Variants in PCDHAC1 observed in about 807,000 individuals in gnomAD.
PCDHAC1 encodes the protein protocadherin alpha-C1.
A neutral mutation model predicts 60.0 loss-of-function variants in PCDHAC1; 42 were observed. That is an observed-to-expected ratio of 0.70 (90% CI 0.55 to 0.90). The LOEUF (loss-of-function observed/expected upper bound fraction) is 0.90, where lower values mean the gene tolerates loss of function less well. Ranked by LOEUF, PCDHAC1 falls within the 40% of genes least tolerant of loss-of-function variation. The pLI is 0.00. For missense variants in PCDHAC1, 1,160 were observed against 1,222.3 expected (o/e 0.95, Z 0.76); for synonymous variants, 468 against 499.3 (o/e 0.94, Z 0.84).
intron 1 of PCDHAC1, among the ~76,000 whole-genome samples, chr5:140,942,781 A>G (rs1554215214): frequency 6.6e-6 from 1 of 152,214 alleles, no homozygotes; most frequent in Admixed American, 6.5e-5. Context: ...TTTAGGCAGA[A>G]TATTACAAAG....
In PCDHAC1 at chr5:140,927,316, C is replaced by A; in HGVS notation, c.424C>A (p.Arg142Ser). 6.2e-7 allele frequency: 1 copy of A among 1,614,198 alleles called. No homozygotes were observed. The highest frequency in any genetic ancestry group is 8.5e-7 in the Non-Finnish European group (1 of 1,180,052). The change falls in exon 1 of 4, where the codon CGC (arginine) becomes AGC (serine). Residue 142 changes from arginine to serine, a missense_variant. Physicochemically the swap from Arg to Ser is moderately radical, Grantham distance 110 (BLOSUM62 -1). Around this residue, in one of 3 missense-constraint regions of PCDHAC1, gnomAD observed 1,113 missense variants for 1,163.7 expected, o/e 0.96. Coordinates refer to ENST00000253807, the MANE Select transcript of PCDHAC1 (RefSeq NM_018898.5). ...HIPEFLTPGA[R>S]FTLPNAQDDD... ...CCCCGAGTTCCTGACGCCCGGAGCC[C>A]GCTTTACTCTCCCGAATGCCCAAGA...
chr5:140,981,924 C>T (rs2096957761), intron 2 of PCDHAC1, among the ~76,000 whole-genome samples: 1 of 151,968 alleles, frequency 6.6e-6, no homozygotes, highest in African/African-American at 2.4e-5. Flanking sequence ...TCAAGTTTCT[C>T]TAGTCTCAGG....
At chr5:140,939,973 A>G (rs782675791) in intron 1 of PCDHAC1, among the ~76,000 whole-genome samples, 4 of 152,234 alleles carry the variant, frequency 2.6e-5, no homozygotes, top group Non-Finnish European at 4.4e-5. Flanking sequence ...TCCACGATGA[A>G]TAGTGAATTG....
rs1263615997 is a variant in PCDHAC1 at position 140,926,760 on chromosome 5, A to ATAC, written c.-132_-131insACT. ...GGCGCAACGTCGGCGGTCGCTGAGT[A>ATAC]TCCAGCCCGCAGCAGTGACGGCCGG... On this transcript the variant is annotated 5_prime_UTR_variant, in exon 1 of 4. Transcript: ENST00000253807. The ATAC allele has an allele frequency of 6.1e-6, 8 of 1,312,248 alleles. No homozygotes were observed. The African/African-American group carries it at 1.2e-4, about 20-fold the overall frequency. The allele number at this position is 1,312,248 out of a possible 1,614,324, so 81.3% of individuals were successfully genotyped here.
intron 2 of PCDHAC1, among the ~76,000 whole-genome samples, chr5:140,982,016 A>C (rs2096962660): frequency 6.6e-6 from 1 of 152,260 alleles, no homozygotes; most frequent in African/African-American, 2.4e-5. Context: ...TTAGATAGCC[A>C]AATTGGAACA....
Position 141,010,015 on chromosome 5 carries a change from C to T in PCDHAC1, c.*78C>T, listed in dbSNP as rs1588250671. On this transcript the variant is annotated 3_prime_UTR_variant, in exon 4 of 4. Transcript: ENST00000253807. ...CTCTCCCATGTAGCAATTCCCTGCTCCTTTTTCCTATCTACATGAGCCCTC... is the reference window on the plus strand; with the variant it reads ...CTCTCCCATGTAGCAATTCCCTGCTTCTTTTTCCTATCTACATGAGCCCTC... 7 of 1,572,182 alleles carry T rather than the reference C, an allele frequency of 4.5e-6. No individual in the cohort carries two copies. In the East Asian group the frequency reaches 1.3e-4, roughly 30 times the overall value.
chr5:140,967,368 A>G (rs2096133589), intron 1 of PCDHAC1: 1 of 1,607,738 alleles, frequency 6.2e-7, no homozygotes, highest in Non-Finnish European at 8.5e-7. Flanking sequence ...AAGCCCCTGC[A>G]GGAGAACAGT....
At position 141,010,158 on chromosome 5, in the gene PCDHAC1, GT is replaced by G. The variant is rs1563735803; in HGVS notation, c.*225del. 1.3e-6 allele frequency: 2 copies of G among 1,570,690 alleles called. No homozygotes were observed. The highest frequency in any genetic ancestry group is 1.7e-6 in the Non-Finnish European group (2 of 1,156,884). ...TAACTCTTTCTCTCCACTCTGGCTT[GT>G]TTTCAGAACCTAAAAAGCAGACCCA... On this transcript the variant is annotated 3_prime_UTR_variant, in exon 4 of 4. Coordinates refer to ENST00000253807, the MANE Select transcript of PCDHAC1 (RefSeq NM_018898.5).
chr5:140,975,759 A>G (rs1420459945), intron 1 of PCDHAC1, among the ~76,000 whole-genome samples: 1 of 152,248 alleles, frequency 6.6e-6, no homozygotes, highest in Non-Finnish European at 1.5e-5. Context: ...TCTATGTCAT[A>G]AATCACAGAT....
At chr5:140,981,683 T>A (rs1484532280) in intron 2 of PCDHAC1, among the ~76,000 whole-genome samples, 5 of 152,034 alleles carry the variant, frequency 3.3e-5, no homozygotes, top group Non-Finnish European at 5.9e-5. Flanking sequence ...CCTTCCTCCC[T>A]TCCATCATTC....
Position 140,928,010 on chromosome 5 carries a change from G to A in PCDHAC1, c.1118G>A (p.Gly373Asp). 2 of 1,614,168 alleles carry A rather than the reference G, an allele frequency of 1.2e-6. No homozygotes were observed. The highest frequency in any genetic ancestry group is 1.7e-6 in the Non-Finnish European group (2 of 1,180,030). Residue 373 changes from glycine (G) to aspartate (D), a missense_variant, in exon 1 of 4, where the codon GGT becomes GAT. Around this residue, in one of 3 missense-constraint regions of PCDHAC1, gnomAD observed 1,113 missense variants for 1,163.7 expected, o/e 0.96. Coordinates refer to ENST00000253807, the MANE Select transcript of PCDHAC1 (RefSeq NM_018898.5). ...AAGGATGAAGACCTCGATTCTAATGGTAGGGTCATTTGTGGCATGTCTAGT... is the reference window on the plus strand; with the variant it reads ...AAGGATGAAGACCTCGATTCTAATGATAGGGTCATTTGTGGCATGTCTAGT... ...SVKDEDLDSNGRVICGMSSAG... is the reference protein window; with the variant it reads ...SVKDEDLDSNDRVICGMSSAG...
chr5:141,007,694 C>T (rs1466885866), intron 3 of PCDHAC1, among the ~76,000 whole-genome samples: 1 of 152,186 alleles, frequency 6.6e-6, no homozygotes, highest in Non-Finnish European at 1.5e-5. Context: ...CTTCCACCTC[C>T]CTCCTCTGCC....
intron 1 of PCDHAC1, among the ~76,000 whole-genome samples, chr5:140,931,598 A>G (rs2087630191): frequency 6.6e-6 from 1 of 152,200 alleles, no homozygotes; most frequent in African/African-American, 2.4e-5. Context: ...GTCTTTTTCC[A>G]TCATTGTTGA....
intron 1 of PCDHAC1, among the ~76,000 whole-genome samples, chr5:140,962,298 A>T (rs2095671297): frequency 6.6e-6 from 1 of 152,204 alleles, no homozygotes; most frequent in South Asian, 2.1e-4. Context: ...ATATTCTATG[A>T]TTCTTGTTAG....
At chr5:141,001,607 A>G (rs1554258244) in intron 3 of PCDHAC1, among the ~76,000 whole-genome samples, 1 of 152,078 alleles carries the variant, frequency 6.6e-6, no homozygotes, top group African/African-American at 2.4e-5. Flanking sequence ...AGGTTTGCCC[A>G]ATTCATAAAG....
At position 140,941,206 on chromosome 5, in the gene PCDHAC1, TCTTTCTTC is replaced by T. The variant is rs1268159199; in HGVS notation, c.2433+11889_2433+11896del. Among the ~76,000 whole-genome samples the T allele has an allele frequency of 1.2e-3, 117 of 95,670 alleles. 1 individual carries two copies. The highest frequency in any genetic ancestry group is 8.3e-3 in the South Asian group (27 of 3,240). The allele number at this position is 95,670 out of a possible 152,430, so 62.8% of individuals were successfully genotyped here. A position where few individuals can be genotyped will look rare whatever the true frequency, so the allele number is the denominator to read the frequency against. On this transcript the variant is annotated intron_variant, in intron 1 of 3. Coordinates refer to ENST00000253807, the MANE Select transcript of PCDHAC1 (RefSeq NM_018898.5). ...GCTTCTTTTTTTTTCTTTCTTCCTTTCTTTCTTCCTTTCTTTCTTTCTTTCTTTCTTTC... is the reference window on the plus strand; with the variant it reads ...GCTTCTTTTTTTTTCTTTCTTCCTTTCTTTCTTTCTTTCTTTCTTTCTTTC...
chr5:140,981,446 T>C (rs1586884316), intron 2 of PCDHAC1, among the ~76,000 whole-genome samples: 4 of 152,058 alleles, frequency 2.6e-5, no homozygotes, highest in Admixed American at 1.3e-4. Context: ...TGGTGGCGGG[T>C]GCCTGTAGTC....
At chr5:140,941,214 C>CTTTCTTTCTTTCTTTTT (rs1554214039) in intron 1 of PCDHAC1, among the ~76,000 whole-genome samples, 1 of 122,414 alleles carries the variant, frequency 8.2e-6, no homozygotes, top group East Asian at 2.3e-4. Context: ...TTTCTTTCTT[C>CTTTCTTTCTTTCTTTTT]CTTTCTTTCT....
Position 140,926,723 on chromosome 5 carries a change from C to G in PCDHAC1, c.-170C>G, listed in dbSNP as rs1224901751. The G allele has an allele frequency of 9.7e-7, 1 of 1,034,598 alleles. No individual in the cohort carries two copies. The highest frequency in any genetic ancestry group is 1.3e-6 in the Non-Finnish European group (1 of 772,420). The allele number at this position is 1,034,598 out of a possible 1,614,324, so 64.1% of individuals were successfully genotyped here. A position where few individuals can be genotyped will look rare whatever the true frequency, so the allele number is the denominator to read the frequency against. ...CCCAGCTGGCCAGCCCCGGCAATGC[C>G]GGCGTTCGGGAGGCGCAACGTCGGC... On this transcript the variant is annotated 5_prime_UTR_variant, in exon 1 of 4. Transcript: ENST00000253807.
Sources: allele counts gnomAD v4.1 joint callset (sites outside exome capture counted in the v4.1 genomes callset), GRCh38; gene constraint gnomAD v4.1.1; regional missense constraint gnomAD v4.1.1; transcripts MANE v1.5; gene names NCBI Gene and HGNC (gene_info 2026-07-23, HGNC 2026-07-21).